The following TAF4B variants were observed in gnomAD, a reference collection of about 807,000 sequenced individuals.
The protein encoded by TAF4B is TATA-box binding protein associated factor 4b, also known as transcription initiation factor TFIID subunit 4B.
Under a neutral mutation model 86.4 loss-of-function variants are expected in TAF4B, and 38 were observed. The observed-to-expected ratio is 0.44, with a 90% CI of 0.34 to 0.58. The LOEUF is 0.58. Ranked by LOEUF, TAF4B falls within the 20% of genes least tolerant of loss-of-function variation. The probability of loss-of-function intolerance (pLI) is 0.02; values close to 1 mark genes in which losing one functional copy is unlikely to be tolerated. For synonymous variants in TAF4B, 388 were observed against 391.2 expected (o/e 0.99, Z 0.10); for missense variants, 988 against 1,027.6 (o/e 0.96, Z 0.53).
intron 13 of TAF4B, among the ~76,000 whole-genome samples, chr18:26,337,605 T>C (rs2057103651): frequency 6.6e-6 from 1 of 151,994 alleles, no homozygotes; most frequent in Admixed American, 6.6e-5. Flanking sequence ...GTATTTTTAG[T>C]AGAGATGGGG....
At chr18:26,339,118 C>T (rs987885983) in intron 13 of TAF4B, among the ~76,000 whole-genome samples, 13 of 152,146 alleles carry the variant, frequency 8.5e-5, no homozygotes, top group African/African-American at 1.9e-4. Context: ...TTTCAACTTA[C>T]GGGCTGTCTT....
At chr18:26,255,873 T>C in intron 1 of TAF4B, 3 of 1,287,054 alleles carry the variant, frequency 2.3e-6, no homozygotes, top group Non-Finnish European at 3.4e-6. Flanking sequence ...GTATGTGAGA[T>C]CTAAAAAGGA....
In TAF4B at chr18:26,281,966, C is replaced by G; in HGVS notation, c.883-5C>G. Reference sequence around the variant, plus strand: ...AAAATTGTTTCTATTTCTCCCATCCCTCAGGATGCAAAAATCGAAGCAGAA... The same window carrying G: ...AAAATTGTTTCTATTTCTCCCATCCGTCAGGATGCAAAAATCGAAGCAGAA... On this transcript the variant is annotated splice_polypyrimidine_tract_variant and splice_region_variant and intron_variant, in intron 5 of 14. Transcript: ENST00000269142. 6.2e-7 allele frequency: 1 copy of G among 1,607,212 alleles called. No homozygotes were observed. The highest frequency in any genetic ancestry group is 8.5e-7 in the Non-Finnish European group (1 of 1,174,934).
chr18:26,354,437 G>A (rs2057270028), intron 13 of TAF4B, among the ~76,000 whole-genome samples: 1 of 152,180 alleles, frequency 6.6e-6, no homozygotes, highest in Non-Finnish European at 1.5e-5. Flanking sequence ...ATCAGCTCCT[G>A]CCTTTCCATA....
Position 26,386,213 on chromosome 18 carries a change from G to T in TAF4B, c.2422-3632G>T, listed in dbSNP as rs565750153. Among the ~76,000 whole-genome samples, 93 of 152,166 alleles carry T rather than the reference G, an allele frequency of 6.1e-4. 2 individuals are homozygous for T. The highest frequency in any genetic ancestry group is 2.1e-3 in the African/African-American group (87 of 41,526). Reference sequence around the variant, plus strand: ...CCTTCTTTTCAACTCTGTGCTGGCAGCTGTAATATGGCTCTTTCCCCTGAA... The same window carrying T: ...CCTTCTTTTCAACTCTGTGCTGGCATCTGTAATATGGCTCTTTCCCCTGAA... On this transcript the variant is annotated intron_variant, in intron 14 of 14. Transcript: ENST00000269142.
intron 1 of TAF4B, among the ~76,000 whole-genome samples, chr18:26,241,696 C>T (rs1377922571): frequency 1.3e-5 from 2 of 152,158 alleles, no homozygotes; most frequent in African/African-American, 4.8e-5. Flanking sequence ...AATTTTAGAT[C>T]TTTCCTGCTT....
At chr18:26,327,752 T>G (rs534446823) in intron 12 of TAF4B, among the ~76,000 whole-genome samples, 1 of 152,196 alleles carries the variant, frequency 6.6e-6, no homozygotes, top group African/African-American at 2.4e-5. Context: ...TTTGTTGTTG[T>G]TGGTTTGTTT....
intron 14 of TAF4B, among the ~76,000 whole-genome samples, chr18:26,367,102 G>T (rs983688138): frequency 4.6e-5 from 7 of 152,096 alleles, no homozygotes; most frequent in Non-Finnish European, 8.8e-5. Context: ...ATAATTTGTG[G>T]GACAGTGTGT....
intron 1 of TAF4B, among the ~76,000 whole-genome samples, chr18:26,229,494 C>CTTTTTTTTT (rs34261854): frequency 4.0e-4 from 52 of 129,364 alleles, no homozygotes; most frequent in Non-Finnish European, 5.2e-4. Context: ...TTCTTTCTTT[C>CTTTTTTTTT]TTTTTTTTTT....
intron 9 of TAF4B, among the ~76,000 whole-genome samples, chr18:26,310,966 T>A (rs1011484099): frequency 7.9e-5 from 12 of 152,124 alleles, no homozygotes; most frequent in African/African-American, 2.9e-4. Flanking sequence ...GTTTTTTTTT[T>A]AACCACTTAA....
chr18:26,234,303 A>G (rs2055716140), intron 1 of TAF4B, among the ~76,000 whole-genome samples: 1 of 152,148 alleles, frequency 6.6e-6, no homozygotes, highest in Non-Finnish European at 1.5e-5. Flanking sequence ...TGGCTTTGGC[A>G]GTGTAAGACT....
chr18:26,315,141 TC>T lies in TAF4B; in HGVS notation c.1833-87del, dbSNP rs1568147935. 134 of 340,702 alleles carry T rather than the reference TC, an allele frequency of 3.9e-4. 1 individual carries two copies. Among genetic ancestry groups the T allele is most frequent in the Non-Finnish European group, 3.9e-4 (90 of 229,080 alleles). 21.1% of individuals were successfully genotyped at this position (340,702 alleles called of 1,614,324 possible). A position where few individuals can be genotyped will look rare whatever the true frequency, so the allele number is the denominator to read the frequency against. On this transcript the variant is annotated intron_variant, in intron 9 of 14. Coordinates refer to ENST00000269142, the MANE Select transcript of TAF4B (RefSeq NM_005640.3). ...CTCTCTCTCTCTCTCTCTCTCTCTCTCTCTGTCTCTCTCTCTCTCTCACACA... is the reference window on the plus strand; with the variant it reads ...CTCTCTCTCTCTCTCTCTCTCTCTCTTCTGTCTCTCTCTCTCTCTCACACA...
intron 1 of TAF4B, among the ~76,000 whole-genome samples, chr18:26,240,835 G>T (rs932812223): frequency 6.6e-6 from 1 of 152,172 alleles, no homozygotes; most frequent in East Asian, 1.9e-4. Context: ...CACATCTATT[G>T]AGATAATCAT....
rs552602979 is a variant in TAF4B at position 26,285,084 on chromosome 18, C to A, written c.973-798C>A. Among the ~76,000 whole-genome samples the A allele has an allele frequency of 1.8e-4, 27 of 151,678 alleles. No individual in the cohort carries two copies. In the South Asian group the frequency reaches 5.5e-3, roughly 31 times the overall value. On this transcript the variant is annotated intron_variant, in intron 6 of 14. Coordinates refer to ENST00000269142, the MANE Select transcript of TAF4B (RefSeq NM_005640.3). ...CTGGGTCCAAGTGATCCTCCAACCT[C>A]AGCCCCTGCGGTAGCTGGGACTACA...
At chr18:26,326,046 TG>T (rs2057001664) in intron 11 of TAF4B, among the ~76,000 whole-genome samples, 1 of 152,206 alleles carries the variant, frequency 6.6e-6, no homozygotes, top group Admixed American at 6.5e-5. Flanking sequence ...GGCCAGGCAC[TG>T]ACTGTTGTTT....
chr18:26,276,189 C>T (rs192332995), intron 5 of TAF4B, among the ~76,000 whole-genome samples: 2 of 152,168 alleles, frequency 1.3e-5, no homozygotes, highest in African/African-American at 4.8e-5. Flanking sequence ...ATAAGATTCT[C>T]ATCTTGCAGA....
At chr18:26,358,343 A>G (rs1244813346) in intron 14 of TAF4B, among the ~76,000 whole-genome samples, 1 of 152,178 alleles carries the variant, frequency 6.6e-6, no homozygotes, top group Non-Finnish European at 1.5e-5. Context: ...GCACATGTAT[A>G]CTCAATAAAT....
At chr18:26,252,759 C>T (rs567239414) in intron 1 of TAF4B, among the ~76,000 whole-genome samples, 1 of 151,564 alleles carries the variant, frequency 6.6e-6, no homozygotes, top group African/African-American at 2.4e-5. Flanking sequence ...AGTGGTGATG[C>T]TGGTGGCATA....
intron 1 of TAF4B, among the ~76,000 whole-genome samples, chr18:26,244,070 T>C (rs1256924559): frequency 6.6e-6 from 1 of 152,142 alleles, no homozygotes; most frequent in Non-Finnish European, 1.5e-5. Context: ...AATCTCAAAC[T>C]CCGTGCTGGG....
Sources: gnomAD v4.1 joint callset for allele counts (sites outside exome capture counted in the v4.1 genomes callset) on GRCh38, gnomAD v4.1.1 for gene constraint, MANE v1.5 for transcripts, NCBI Gene and HGNC (gene_info 2026-07-23, HGNC 2026-07-21) for gene names.